The following DRC8 variants were observed in gnomAD, a reference collection of about 807,000 sequenced individuals.
DRC8 encodes the protein dynein regulatory complex subunit 8.
the DRC8 span, among the ~76,000 whole-genome samples, chr1:245,067,215 C>T: frequency 6.6e-6 from 1 of 152,060 alleles, no homozygotes; most frequent in Non-Finnish European, 1.5e-5. Flanking sequence ...CAACCTCCAC[C>T]TCCCAGGTTC....
the DRC8 span, among the ~76,000 whole-genome samples, chr1:244,981,890 T>G: frequency 6.6e-6 from 1 of 152,190 alleles, no homozygotes; most frequent in Non-Finnish European, 1.5e-5. Context: ...TGGCCGCTAG[T>G]CTGGTCTTAT....
At chr1:244,981,011 C>T in the DRC8 span, among the ~76,000 whole-genome samples, 1 of 152,106 alleles carries the variant, frequency 6.6e-6, no homozygotes, top group Non-Finnish European at 1.5e-5. Context: ...GGCAAAACCC[C>T]CTCTCTACCC....
the DRC8 span, among the ~76,000 whole-genome samples, chr1:244,974,649 G>A: frequency 0.092 from 13,969 of 151,932 alleles, 815 homozygotes; most frequent in East Asian, 0.25. Context: ...CTTAAATAAC[G>A]TCTTTGTTTT....
chr1:245,118,920 C>A, the DRC8 span, among the ~76,000 whole-genome samples: 2 of 152,168 alleles, frequency 1.3e-5, no homozygotes, highest in Admixed American at 6.5e-5. Context: ...TTGCATGGGA[C>A]AGCTGATGAG....
the DRC8 span, among the ~76,000 whole-genome samples, chr1:245,113,734 T>C: frequency 1.3e-5 from 2 of 152,130 alleles, no homozygotes; most frequent in African/African-American, 2.4e-5. Flanking sequence ...GCATCTGTCA[T>C]GTGCCAAACG....
the DRC8 span, among the ~76,000 whole-genome samples, chr1:245,109,246 G>T: frequency 6.6e-6 from 1 of 152,182 alleles, no homozygotes; most frequent in African/African-American, 2.4e-5. Flanking sequence ...CCTCCTGCAT[G>T]TACTTGGAGG....
At chr1:245,096,509 T>C in the DRC8 span, among the ~76,000 whole-genome samples, 1 of 152,140 alleles carries the variant, frequency 6.6e-6, no homozygotes, top group Non-Finnish European at 1.5e-5. Flanking sequence ...CCAAAATGAG[T>C]ATGAAACATA....
the DRC8 span, among the ~76,000 whole-genome samples, chr1:245,093,275 G>C: frequency 4.5e-3 from 678 of 152,332 alleles, 5 homozygotes; most frequent in Middle Eastern, 0.01. Context: ...GAGGCCTTAA[G>C]AGGTTTCTTT....
At chr1:245,075,375 T>A in the DRC8 span, among the ~76,000 whole-genome samples, 1 of 152,226 alleles carries the variant, frequency 6.6e-6, no homozygotes. Flanking sequence ...GCCACATGCT[T>A]TGAGGCTGAG....
chr1:245,022,195 G>T, the DRC8 span, among the ~76,000 whole-genome samples: 2 of 151,678 alleles, frequency 1.3e-5, no homozygotes, highest in Admixed American at 1.3e-4. Context: ...GCCCAGGCAG[G>T]AGCGCAGTGG....
At chr1:245,009,197 G>A in the DRC8 span, among the ~76,000 whole-genome samples, 1 of 151,362 alleles carries the variant, frequency 6.6e-6, no homozygotes, top group Non-Finnish European at 1.5e-5. Context: ...CACCACGCCC[G>A]GCTAATTTGT....
chr1:245,014,052 CA>C, the DRC8 span, among the ~76,000 whole-genome samples: 366 of 111,124 alleles, frequency 3.3e-3, 1 homozygote, highest in African/African-American at 0.012. Flanking sequence ...AAAAAAAAGA[CA>C]AAAAAAAAGA....
At chr1:244,988,753 C>G in the DRC8 span, among the ~76,000 whole-genome samples, 1 of 152,168 alleles carries the variant, frequency 6.6e-6, no homozygotes, top group South Asian at 2.1e-4. Context: ...TCCTGAGATA[C>G]TAGGCAACTT....
chr1:244,981,446 G>A, the DRC8 span, among the ~76,000 whole-genome samples: 1 of 152,102 alleles, frequency 6.6e-6, no homozygotes, highest in Non-Finnish European at 1.5e-5. Flanking sequence ...TCTGAAGTAG[G>A]CACTGGGCTG....
the DRC8 span, among the ~76,000 whole-genome samples, chr1:244,971,349 C>A: frequency 3.9e-5 from 6 of 152,224 alleles, no homozygotes; most frequent in African/African-American, 1.4e-4. Context: ...CCTGCAGAGG[C>A]GGGACTGCGC....
chr1:245,014,801 C>T, the DRC8 span, among the ~76,000 whole-genome samples: 1 of 152,058 alleles, frequency 6.6e-6, no homozygotes, highest in African/African-American at 2.4e-5. Flanking sequence ...CTTTTTTTCT[C>T]TACGGTTGTA....
the DRC8 span, among the ~76,000 whole-genome samples, chr1:245,043,177 A>G: frequency 1.3e-5 from 2 of 152,180 alleles, no homozygotes; most frequent in Non-Finnish European, 2.9e-5. Flanking sequence ...CACGCCTGCA[A>G]TACCAGCACT....
the DRC8 span, among the ~76,000 whole-genome samples, chr1:245,094,342 T>A: frequency 2.6e-5 from 4 of 152,210 alleles, no homozygotes; most frequent in Non-Finnish European, 5.9e-5. Flanking sequence ...AGGAACTTTT[T>A]AAGCCTCTTA....
chr1:244,988,732 G>A, the DRC8 span, among the ~76,000 whole-genome samples: 5 of 152,228 alleles, frequency 3.3e-5, no homozygotes, highest in African/African-American at 1.2e-4. Flanking sequence ...CCAAATCTGT[G>A]TAACTTACTT....
Sources: allele counts gnomAD v4.1 joint callset (sites outside exome capture counted in the v4.1 genomes callset), GRCh38; gene constraint gnomAD v4.1.1; transcripts MANE v1.5; gene names NCBI Gene and HGNC (gene_info 2026-07-23, HGNC 2026-07-21).